VAMP4: variants seen among roughly 807,000 people sequenced by gnomAD.
VAMP4 encodes the protein vesicle associated membrane protein 4.
A neutral mutation model predicts 23.5 loss-of-function variants in VAMP4; 19 were observed. The observed-to-expected ratio is 0.81, with a 90% CI of 0.56 to 1.19. The LOEUF (loss-of-function observed/expected upper bound fraction) is 1.19, where lower values mean the gene tolerates loss of function less well. Ranked by LOEUF, VAMP4 falls within the 50% of genes most tolerant of loss-of-function variation. VAMP4 has a pLI of 0.00. For synonymous variants in VAMP4, 31 were observed against 51.0 expected (o/e 0.61, Z 1.67); for missense variants, 145 against 168.6 (o/e 0.86, Z 0.78).
At chr1:171,739,552 T>A (rs1191934578) in intron 1 of VAMP4, among the ~76,000 whole-genome samples, 1 of 152,202 alleles carries the variant, frequency 6.6e-6, no homozygotes, top group Non-Finnish European at 1.5e-5. Context: ...GCCAGTCAGT[T>A]GGAAACACAG....
chr1:171,735,622 A>G (rs980939560), intron 2 of VAMP4, among the ~76,000 whole-genome samples: 6 of 152,172 alleles, frequency 3.9e-5, no homozygotes, highest in Non-Finnish European at 8.8e-5. Context: ...GTAAGTGACT[A>G]AAGATTTCCT....
rs367867047 is a variant in VAMP4 at position 171,726,317 on chromosome 1, T to A, written c.113+2207A>T. Among the ~76,000 whole-genome samples, 54 of 152,272 alleles carry A rather than the reference T, an allele frequency of 3.5e-4. No individual in the cohort carries two copies. In the East Asian group the frequency reaches 0.01, roughly 29 times the overall value. On this transcript the variant is annotated intron_variant, in intron 3 of 7. Coordinates refer to ENST00000236192, the MANE Select transcript of VAMP4 (RefSeq NM_003762.5). ...CGCCCGCCTCGGCCTCCCAAAGAGG[T>A]GGGATTACAGGCGTGAGCCACTGCA... is the stretch of plus-strand genomic sequence containing the variant.
chr1:171,703,004 CAAA>C lies in VAMP4; in HGVS notation c.*1499_*1501del, dbSNP rs998791544. On this transcript the variant is annotated 3_prime_UTR_variant, in exon 8 of 8. Transcript: ENST00000236192. ...AATCCTGTAGAATTTTAAAAACAGACAAAAAAACACCAAACCCAGATTCTATGC... is the reference window on the plus strand; with the variant it reads ...AATCCTGTAGAATTTTAAAAACAGACAAAACACCAAACCCAGATTCTATGC... 4.6e-5 allele frequency: 7 copies of C among 151,450 alleles called. No homozygotes were observed. The highest frequency in any genetic ancestry group is 1.5e-4 in the African/African-American group (6 of 41,302). 9.4% of individuals were successfully genotyped at this position (151,450 alleles called of 1,614,324 possible).
Position 171,721,188 on chromosome 1 carries a change from T to C in VAMP4, c.114-1967A>G, listed in dbSNP as rs1655183286. On this transcript the variant is annotated intron_variant, in intron 3 of 7. Coordinates refer to ENST00000236192, the MANE Select transcript of VAMP4 (RefSeq NM_003762.5). ...TCTACACACAACAACAGTAACAACA[T>C]GCAATGAAAATGAAACATAATATGA... Among the ~76,000 whole-genome samples, 3 of 151,996 alleles carry C rather than the reference T, an allele frequency of 2.0e-5. No homozygotes were observed. In the South Asian group the frequency reaches 6.2e-4, roughly 31 times the overall value.
chr1:171,710,695 A>C lies in VAMP4; in HGVS notation c.265+19T>G. 1 of 1,551,846 alleles carries C rather than the reference A, an allele frequency of 6.4e-7. No individual in the cohort carries two copies. Among genetic ancestry groups the C allele is most frequent in the South Asian group, 1.2e-5 (1 of 85,414 alleles). On this transcript the variant is annotated intron_variant, in intron 5 of 7. Transcript: ENST00000236192. The stretch of plus-strand genomic sequence containing the variant: ...AGCAAACAGATTAGTAATATCAAGA[A>C]ATACATGAAGATCTGTACCTGATTT...
chr1:171,735,442 T>A (rs774572429), intron 2 of VAMP4, among the ~76,000 whole-genome samples: 1 of 152,224 alleles, frequency 6.6e-6, no homozygotes, highest in Non-Finnish European at 1.5e-5. Flanking sequence ...GTGATTTTAC[T>A]ACATACATTT....
At chr1:171,723,800 G>T (rs1270182587) in intron 3 of VAMP4, among the ~76,000 whole-genome samples, 2 of 152,182 alleles carry the variant, frequency 1.3e-5, no homozygotes, top group Non-Finnish European at 2.9e-5. Flanking sequence ...TATTGACTGG[G>T]GAAGTGATAA....
At chr1:171,715,692 G>A (rs4342884) in intron 4 of VAMP4, among the ~76,000 whole-genome samples, 53,249 of 152,046 alleles carry the variant, frequency 0.35, 9,769 homozygotes, top group African/African-American at 0.47. Flanking sequence ...TTCATGCTCT[G>A]CAATACGCAC....
intron 5 of VAMP4, 110 bp from the exon 6 acceptor site, chr1:171,709,854 C>T (rs41263720): frequency 0.045 from 36,818 of 825,866 alleles, 1,213 homozygotes; most frequent in African/African-American, 0.13. Flanking sequence ...AATTTATTCC[C>T]TTTTAAGCAT....
intron 3 of VAMP4, among the ~76,000 whole-genome samples, chr1:171,728,079 C>A (rs545375158): frequency 6.6e-6 from 1 of 152,140 alleles, no homozygotes; most frequent in Non-Finnish European, 1.5e-5. Flanking sequence ...TGGTCAACTG[C>A]GGTCTGAAAA....
intron 1 of VAMP4, among the ~76,000 whole-genome samples, chr1:171,739,121 C>G (rs934662625): frequency 2.6e-5 from 4 of 152,104 alleles, no homozygotes; most frequent in Admixed American, 2.6e-4. Flanking sequence ...GGTAGCTTAG[C>G]CCCCAGATAG....
intron 2 of VAMP4, among the ~76,000 whole-genome samples, chr1:171,730,897 T>A (rs1655539805): frequency 6.6e-6 from 1 of 150,910 alleles, no homozygotes; most frequent in Non-Finnish European, 1.5e-5. Flanking sequence ...TACTAAAGAG[T>A]AAAAAAATGA....
chr1:171,720,182 A>T (rs1451925686), intron 3 of VAMP4, among the ~76,000 whole-genome samples: 4 of 151,986 alleles, frequency 2.6e-5, no homozygotes, highest in Non-Finnish European at 5.9e-5. Context: ...AAGTGATGTT[A>T]AACATTGAAT....
At chr1:171,728,823 G>C (rs1378875805) in intron 2 of VAMP4, among the ~76,000 whole-genome samples, 1 of 152,184 alleles carries the variant, frequency 6.6e-6, no homozygotes, top group Non-Finnish European at 1.5e-5. Flanking sequence ...CACTGAAGCT[G>C]GTATGGGAGT....
At chr1:171,716,358 T>G (rs1374070690) in intron 4 of VAMP4, among the ~76,000 whole-genome samples, 1 of 152,198 alleles carries the variant, frequency 6.6e-6, no homozygotes, top group Non-Finnish European at 1.5e-5. Context: ...AAACCTTAAC[T>G]TCTCTACTCT....
intron 7 of VAMP4, among the ~76,000 whole-genome samples, chr1:171,704,861 T>C (rs894796468): frequency 6.6e-6 from 1 of 152,012 alleles, no homozygotes. Context: ...ATAGTCTTAG[T>C]TTTTTAAAAA....
At chr1:171,711,941 T>C (rs1047406719) in intron 4 of VAMP4, among the ~76,000 whole-genome samples, 6 of 152,262 alleles carry the variant, frequency 3.9e-5, no homozygotes, top group Admixed American at 2.6e-4. Context: ...ATATTTACCA[T>C]TGTGTTATAA....
Position 171,738,392 on chromosome 1 carries a change from TGGCGCTTAAACTTGGGA to T in VAMP4, c.6_22del (p.Lys4GlnfsTer2), listed in dbSNP as rs1205708832. ...ACCTGTGACATCATCATCATTGAGG[TGGCGCTTAAACTTGGGA>T]GGCATATTTTTTACTTGCAAAGTAT... On this transcript the variant is annotated frameshift_variant, in exon 2 of 8. Transcript: ENST00000236192. LOFTEE classifies it high-confidence loss of function. 1 of 1,614,032 alleles carries T rather than the reference TGGCGCTTAAACTTGGGA, an allele frequency of 6.2e-7. No homozygotes were observed. The highest frequency in any genetic ancestry group is 1.3e-5 in the African/African-American group (1 of 74,924).
At chr1:171,707,662 C>T (rs890681254) in intron 6 of VAMP4, among the ~76,000 whole-genome samples, 6 of 152,080 alleles carry the variant, frequency 3.9e-5, no homozygotes, top group Admixed American at 1.3e-4. Context: ...GAAGAATACT[C>T]GCTACTGTAA....
Sources: gnomAD v4.1 joint callset for allele counts (sites outside exome capture counted in the v4.1 genomes callset) on GRCh38, gnomAD v4.1.1 for gene constraint, MANE v1.5 for transcripts, NCBI Gene and HGNC (gene_info 2026-07-23, HGNC 2026-07-21) for gene names.